The following MAPK14 variants were observed in gnomAD, a reference collection of about 807,000 sequenced individuals.
MAPK14 encodes the protein CSAID-binding protein.
Under a neutral mutation model 49.6 loss-of-function variants are expected in MAPK14, and 16 were observed. That is an observed-to-expected ratio of 0.32 (90% CI 0.22 to 0.49). The LOEUF is 0.49. MAPK14 is among the 20% of genes least tolerant of loss of function. MAPK14 has a pLI of 0.99. For missense variants in MAPK14, 200 were observed against 441.2 expected, an observed-to-expected ratio of 0.45 and a Z score of 4.90; for synonymous variants, 142 against 158.0, an observed-to-expected ratio of 0.90 and a Z score of 0.76.
At chr6:36,078,654 A>C (rs1380774171) in intron 8 of MAPK14, among the ~76,000 whole-genome samples, 1 of 152,204 alleles carries the variant, frequency 6.6e-6, no homozygotes, top group Non-Finnish European at 1.5e-5. Context: ...TTTTTAATAC[A>C]TGAGAATTCA....
At chr6:36,036,638 C>T (rs1054887478) in intron 1 of MAPK14, among the ~76,000 whole-genome samples, 1 of 152,202 alleles carries the variant, frequency 6.6e-6, no homozygotes, top group Non-Finnish European at 1.5e-5. Flanking sequence ...CCTGAGTAGG[C>T]AGCAGCCATC....
chr6:36,070,830 G>C (rs1397129261), intron 3 of MAPK14, among the ~76,000 whole-genome samples: 1 of 151,976 alleles, frequency 6.6e-6, no homozygotes, highest in Non-Finnish European at 1.5e-5. Context: ...TATATAAAGA[G>C]AGGTCACACA....
intron 9 of MAPK14, 64 bp downstream of exon 9, chr6:36,096,130 C>A: frequency 8.7e-7 from 1 of 1,148,878 alleles, no homozygotes; most frequent in South Asian, 1.3e-5. Flanking sequence ...TTCTACCAAT[C>A]TGTACTTTGA....
chr6:36,076,798 G>A, intron 8 of MAPK14, 190 bp downstream of exon 8: 1 of 441,772 alleles, frequency 2.3e-6, no homozygotes, highest in Non-Finnish European at 4.0e-6. Context: ...GTTTACTTTT[G>A]TGAGTTGGAA....
chr6:36,105,884 T>C (rs992148312), intron 10 of MAPK14, among the ~76,000 whole-genome samples: 1 of 152,184 alleles, frequency 6.6e-6, no homozygotes, highest in African/African-American at 2.4e-5. Flanking sequence ...GTATTTATTC[T>C]CCCAAGTGCC....
the MAPK14 span, among the ~76,000 whole-genome samples, chr6:36,118,088 G>T: frequency 6.6e-6 from 1 of 152,214 alleles, no homozygotes; most frequent in African/African-American, 2.4e-5. Flanking sequence ...GCTGTGTCTT[G>T]CTGTGTAATT....
chr6:36,106,158 C>T (rs1013505450), intron 10 of MAPK14, among the ~76,000 whole-genome samples: 18 of 152,322 alleles, frequency 1.2e-4, no homozygotes, highest in Admixed American at 1.0e-3. Flanking sequence ...ACGTGCACAG[C>T]ATCACCTGTA....
intron 10 of MAPK14, among the ~76,000 whole-genome samples, chr6:36,105,785 C>G (rs1487259604): frequency 2.0e-5 from 3 of 152,172 alleles, no homozygotes; most frequent in African/African-American, 7.2e-5. Flanking sequence ...GTCCTCTTCA[C>G]TACTCACCCC....
chr6:36,059,432 T>C, intron 3 of MAPK14, 85 bp downstream of exon 3: 2 of 972,576 alleles, frequency 2.1e-6, no homozygotes, highest in Admixed American at 3.9e-5. Flanking sequence ...TTTAGCAACA[T>C]ATAGACTTCA....
At chr6:36,064,064 T>TTG (rs112138637) in intron 3 of MAPK14, among the ~76,000 whole-genome samples, 38,545 of 149,480 alleles carry the variant, frequency 0.26, 5,398 homozygotes, top group African/African-American at 0.4. Context: ...TGCCTTTTCT[T>TTG]TGTGTGTGTG....
chr6:36,068,473 G>GT (rs1764146767), intron 3 of MAPK14, among the ~76,000 whole-genome samples: 1 of 152,202 alleles, frequency 6.6e-6, no homozygotes. Context: ...ATAGACTGTA[G>GT]TAAGTCCCAA....
At chr6:36,052,855 C>T in intron 2 of MAPK14, 27 bp downstream of exon 2, 1 of 1,585,518 alleles carries the variant, frequency 6.3e-7, no homozygotes, top group Non-Finnish European at 8.6e-7. Context: ...AGGAAGAATA[C>T]ATTTTGATCT....
At position 36,064,349 on chromosome 6, in the gene MAPK14, G is replaced by A. The variant is rs1463675999; in HGVS notation, c.305+5002G>A. ...GACAAGAATTTTTTGATTCCTCCTG[G>A]GAACTATTTCCTCAAATTTCATGGA... On this transcript the variant is annotated intron_variant, in intron 3 of 11. Transcript: ENST00000229794. 2.1e-5 allele frequency among the ~76,000 whole-genome samples: 3 copies of A among 145,310 alleles called. No homozygotes were observed. The East Asian group carries it at 6.2e-4, about 30-fold the overall frequency.
Position 36,074,036 on chromosome 6 carries a change from A to C in MAPK14, c.448-13A>C. On this transcript the variant is annotated splice_polypyrimidine_tract_variant and intron_variant, in intron 5 of 11. Transcript: ENST00000229794. ...ATAAAGTTGATCCTGTCTTCCCTGT[A>C]TTTGCTTCCTAGGACCTAAAACCTA... is the stretch of plus-strand genomic sequence containing the variant. The C allele has an allele frequency of 6.2e-7, 1 of 1,605,282 alleles. No homozygotes were observed. Among genetic ancestry groups the C allele is most frequent in the Non-Finnish European group, 8.5e-7 (1 of 1,172,162 alleles).
intron 1 of MAPK14, among the ~76,000 whole-genome samples, chr6:36,046,332 T>G (rs1256003881): frequency 6.6e-6 from 1 of 152,230 alleles, no homozygotes; most frequent in Non-Finnish European, 1.5e-5. Context: ...GAATTTTAGT[T>G]TGGAGAACCT....
intron 1 of MAPK14, among the ~76,000 whole-genome samples, chr6:36,041,561 A>G (rs1427913354): frequency 6.6e-6 from 1 of 152,188 alleles, no homozygotes; most frequent in Non-Finnish European, 1.5e-5. Flanking sequence ...TGAAGATACC[A>G]GAGATGTAGC....
At chr6:36,069,659 T>A (rs1764193502) in intron 3 of MAPK14, among the ~76,000 whole-genome samples, 1 of 152,164 alleles carries the variant, frequency 6.6e-6, no homozygotes, top group Admixed American at 6.5e-5. Flanking sequence ...GGGAAAGGAT[T>A]TGAGAGAAAT....
intron 1 of MAPK14, among the ~76,000 whole-genome samples, chr6:36,030,643 C>T (rs931749723): frequency 1.3e-5 from 2 of 149,404 alleles, no homozygotes; most frequent in Admixed American, 6.7e-5. Context: ...GCTGAGATCG[C>T]TCCACTGCAC....
chr6:36,104,131 A>T (rs901059491), intron 10 of MAPK14, among the ~76,000 whole-genome samples: 2 of 152,132 alleles, frequency 1.3e-5, no homozygotes, highest in Admixed American at 1.3e-4. Flanking sequence ...GCAGTTGTGG[A>T]TGAGTTCGTG....
Sources: gnomAD v4.1 joint callset for allele counts (sites outside exome capture counted in the v4.1 genomes callset) on GRCh38, gnomAD v4.1.1 for gene constraint, MANE v1.5 for transcripts, NCBI Gene and HGNC (gene_info 2026-07-23, HGNC 2026-07-21) for gene names.